The following TENM2 variants were observed in gnomAD, a reference collection of about 807,000 sequenced individuals.
TENM2 encodes the protein teneurin transmembrane protein 2, also known as teneurin-2.
In TENM2, 52 loss-of-function variants were observed where a neutral mutation model predicts 245.2. The ratio of observed to expected loss-of-function variants is 0.21; its 90% CI spans 0.17 to 0.27. The LOEUF (loss-of-function observed/expected upper bound fraction) is 0.27. TENM2 is among the 10% of genes least tolerant of loss of function. The pLI is 1.00. For synonymous variants in TENM2, 1,363 were observed against 1,438.9 expected (o/e 0.95, Z 1.19); for missense variants, 3,046 against 3,666.8 (o/e 0.83, Z 4.37).
intron 23 of TENM2, among the ~76,000 whole-genome samples, chr5:168,221,974 A>G (rs1219638555): frequency 1.3e-5 from 2 of 152,236 alleles, no homozygotes; most frequent in Non-Finnish European, 2.9e-5. Flanking sequence ...GCCCTGTGCT[A>G]ATCCACTGAG....
chr5:168,041,467 G>A (rs532429193), intron 5 of TENM2, among the ~76,000 whole-genome samples: 4 of 152,046 alleles, frequency 2.6e-5, no homozygotes, highest in South Asian at 2.1e-4. Context: ...ACTCCCCTTC[G>A]GCGTGCTCTT....
chr5:167,947,639 A>G (rs1486908943), intron 3 of TENM2, among the ~76,000 whole-genome samples: 1 of 152,190 alleles, frequency 6.6e-6, no homozygotes, highest in East Asian at 1.9e-4. Flanking sequence ...GTTATCATCA[A>G]CCAGAGATTC....
At chr5:167,991,476 G>A (rs778867641) in intron 4 of TENM2, among the ~76,000 whole-genome samples, 8 of 152,160 alleles carry the variant, frequency 5.3e-5, no homozygotes, top group African/African-American at 7.2e-5. Flanking sequence ...ACAAGTCATC[G>A]TTTTAAACAA....
intron 2 of TENM2, among the ~76,000 whole-genome samples, chr5:167,715,455 G>T (rs1456477630): frequency 1.3e-5 from 2 of 152,142 alleles, no homozygotes; most frequent in Admixed American, 1.3e-4. Flanking sequence ...AATCCAAAAT[G>T]AGCCATTGAA....
At chr5:167,881,137 A>C (rs1358682654) in intron 3 of TENM2, among the ~76,000 whole-genome samples, 1 of 152,198 alleles carries the variant, frequency 6.6e-6, no homozygotes, top group Non-Finnish European at 1.5e-5. Context: ...TAGGTTTTAG[A>C]AAGAAATTTT....
intron 2 of TENM2, among the ~76,000 whole-genome samples, chr5:167,431,988 A>G (rs1035782191): frequency 1.2e-4 from 11 of 93,128 alleles, no homozygotes; most frequent in East Asian, 1.0e-3. Context: ...TGGAAGTTCA[A>G]TGCTTTCTGT....
chr5:167,182,392 A>T, the TENM2 span, among the ~76,000 whole-genome samples: 1 of 152,118 alleles, frequency 6.6e-6, no homozygotes, highest in Non-Finnish European at 1.5e-5. Flanking sequence ...TTTAAAGCAC[A>T]CTGTAATCCC....
At chr5:167,766,088 T>G (rs1762999464) in intron 2 of TENM2, among the ~76,000 whole-genome samples, 1 of 152,084 alleles carries the variant, frequency 6.6e-6, no homozygotes, top group African/African-American at 2.4e-5. Flanking sequence ...ATATTTATGT[T>G]AGTGTTATGT....
At chr5:167,604,943 G>C (rs1295054423) in intron 2 of TENM2, among the ~76,000 whole-genome samples, 1 of 152,194 alleles carries the variant, frequency 6.6e-6, no homozygotes, top group Non-Finnish European at 1.5e-5. Flanking sequence ...AACTTTGAAA[G>C]ATATTGTGGA....
intron 2 of TENM2, among the ~76,000 whole-genome samples, chr5:167,415,622 C>T (rs1160578525): frequency 1.3e-5 from 2 of 151,806 alleles, no homozygotes; most frequent in Admixed American, 1.3e-4. Context: ...GTAAACCCAG[C>T]ACTTAGAAAG....
At chr5:168,164,809 C>G (rs1758072610) in intron 13 of TENM2, among the ~76,000 whole-genome samples, 1 of 152,144 alleles carries the variant, frequency 6.6e-6, no homozygotes. Flanking sequence ...GTAGGAAGAT[C>G]CATGAGTCCA....
intron 2 of TENM2, among the ~76,000 whole-genome samples, chr5:167,856,527 A>G (rs1249241318): frequency 6.6e-6 from 1 of 152,220 alleles, no homozygotes; most frequent in East Asian, 1.9e-4. Flanking sequence ...AAGTCCTCTA[A>G]GGATGCATGA....
chr5:167,975,198 C>T (rs1490188665), intron 4 of TENM2, among the ~76,000 whole-genome samples: 1 of 152,190 alleles, frequency 6.6e-6, no homozygotes, highest in African/African-American at 2.4e-5. Flanking sequence ...CAGTGACAAG[C>T]TTTTCAGGTA....
At chr5:168,171,522 T>G (rs540329168) in intron 13 of TENM2, among the ~76,000 whole-genome samples, 23 of 152,306 alleles carry the variant, frequency 1.5e-4, no homozygotes, top group African/African-American at 5.3e-4. Context: ...AAGACAAAAC[T>G]TTTCCATTGA....
chr5:168,082,944 A>G (rs1014013492), intron 7 of TENM2, among the ~76,000 whole-genome samples: 4 of 152,040 alleles, frequency 2.6e-5, no homozygotes, highest in Non-Finnish European at 4.4e-5. Flanking sequence ...CAGATCTCAA[A>G]CTCCATGCTG....
chr5:166,988,756 C>T, the TENM2 span, among the ~76,000 whole-genome samples: 1 of 152,186 alleles, frequency 6.6e-6, no homozygotes, highest in Non-Finnish European at 1.5e-5. Flanking sequence ...ACTGGAAACC[C>T]ATTGCCATGA....
chr5:168,094,290 G>A (rs1469450450), intron 8 of TENM2, among the ~76,000 whole-genome samples: 2 of 151,686 alleles, frequency 1.3e-5, no homozygotes, highest in South Asian at 2.1e-4. Context: ...CAAAGATCTC[G>A]GGCCTTTTCC....
intron 2 of TENM2, among the ~76,000 whole-genome samples, chr5:167,795,667 T>C (rs999663397): frequency 5.3e-5 from 8 of 151,430 alleles, no homozygotes; most frequent in African/African-American, 1.9e-4. Flanking sequence ...CTCCCAAAAG[T>C]AAAAGAAAGA....
chr5:168,077,492 T>G (rs1011197808), intron 7 of TENM2, among the ~76,000 whole-genome samples: 2 of 152,024 alleles, frequency 1.3e-5, no homozygotes, highest in East Asian at 3.9e-4. Flanking sequence ...GTTTGTTACA[T>G]AAGTATACAT....
Sources: gnomAD v4.1 joint callset for allele counts (sites outside exome capture counted in the v4.1 genomes callset) on GRCh38, gnomAD v4.1.1 for gene constraint, MANE v1.5 for transcripts, NCBI Gene and HGNC (gene_info 2026-07-23, HGNC 2026-07-21) for gene names.